Variants in MCF2L2 observed in about 807,000 individuals in gnomAD.
MCF2L2 encodes the protein probable guanine nucleotide exchange factor MCF2L2.
MCF2L2 carries 102 observed loss-of-function variants against 150.2 expected under a neutral mutation model. That is an observed-to-expected ratio of 0.68 (90% CI 0.58 to 0.80). The LOEUF is 0.80. Among genes scored for constraint, MCF2L2 ranks in the 30% least tolerant of loss-of-function variants. The pLI, the probability that MCF2L2 is intolerant of heterozygous loss-of-function variation, is 0.00. For missense variants in MCF2L2, 1,256 were observed against 1,372.8 expected, an observed-to-expected ratio of 0.91 and a Z score of 1.34; for synonymous variants, 465 against 491.3, an observed-to-expected ratio of 0.95 and a Z score of 0.71.
At chr3:183,184,911 T>G (rs996381619) in intron 27 of MCF2L2, among the ~76,000 whole-genome samples, 1 of 147,486 alleles carries the variant, frequency 6.8e-6, no homozygotes, top group African/African-American at 2.6e-5. Context: ...GCACAACTTT[T>G]TTTTTCTTTT....
intron 15 of MCF2L2, among the ~76,000 whole-genome samples, chr3:183,263,943 C>T (rs1027640983): frequency 1.4e-4 from 22 of 152,106 alleles, no homozygotes; most frequent in Non-Finnish European, 2.9e-4. Flanking sequence ...CCACCCTCGA[C>T]TAGGCCTTCC....
At chr3:183,212,317 C>T (rs1192179704) in intron 22 of MCF2L2, among the ~76,000 whole-genome samples, 1 of 152,182 alleles carries the variant, frequency 6.6e-6, no homozygotes, top group Non-Finnish European at 1.5e-5. Flanking sequence ...AACGAATATA[C>T]TTCCAACTGT....
intron 4 of MCF2L2, among the ~76,000 whole-genome samples, chr3:183,339,843 T>C (rs1730629447): frequency 6.6e-6 from 1 of 152,176 alleles, no homozygotes; most frequent in Non-Finnish European, 1.5e-5. Context: ...ATCAGTATTT[T>C]CAACGAGCAC....
At chr3:183,271,063 C>A in intron 15 of MCF2L2, 2 of 832,964 alleles carry the variant, frequency 2.4e-6, no homozygotes, top group Non-Finnish European at 3.5e-6. Flanking sequence ...CCTAGTCCAT[C>A]AGAATGTTTC....
chr3:183,221,743 C>T (rs143160074), intron 20 of MCF2L2, among the ~76,000 whole-genome samples: 83 of 152,266 alleles, frequency 5.5e-4, no homozygotes, highest in Admixed American at 1.8e-3. Flanking sequence ...AGGTGCTGCT[C>T]GCTGAAAGAA....
At chr3:183,278,450 C>A (rs965690004) in intron 14 of MCF2L2, among the ~76,000 whole-genome samples, 3 of 152,192 alleles carry the variant, frequency 2.0e-5, no homozygotes, top group East Asian at 3.9e-4. Flanking sequence ...ATTTTCACCA[C>A]ACTACCAAAA....
In MCF2L2 at chr3:183,179,896, G is replaced by A. The variant is rs563409261; in HGVS notation, c.3105+175C>T. On this transcript the variant is annotated intron_variant, in intron 28 of 29. Coordinates refer to ENST00000328913, the MANE Select transcript of MCF2L2 (RefSeq NM_015078.4). This position sits in a 1 kb window ranked among gnomAD's most constrained non-coding sequence, Gnocchi z 4.2. ...GCCACGTGGGGACATGCTGGACTAG[G>A]AGGGTCAGAGCCAGTTTGAGGGTCT... Among the ~76,000 whole-genome samples the A allele has an allele frequency of 1.3e-5, 2 of 152,168 alleles. No individual in the cohort carries two copies. Among genetic ancestry groups the A allele is most frequent in the East Asian group, 1.9e-4 (1 of 5,166 alleles).
intron 14 of MCF2L2, among the ~76,000 whole-genome samples, chr3:183,287,035 A>C (rs911363291): frequency 6.6e-6 from 1 of 152,182 alleles, no homozygotes; most frequent in East Asian, 1.9e-4. Context: ...AATAAACAAC[A>C]TGGCAAAAGA....
chr3:183,247,157 A>T (rs550209420), intron 15 of MCF2L2, among the ~76,000 whole-genome samples: 20 of 152,336 alleles, frequency 1.3e-4, no homozygotes, highest in Non-Finnish European at 2.5e-4. Context: ...GGCTCCGAGC[A>T]CTAAGTGACT....
chr3:183,422,528 G>T (rs923345029), intron 1 of MCF2L2, among the ~76,000 whole-genome samples: 14 of 152,110 alleles, frequency 9.2e-5, no homozygotes, highest in Non-Finnish European at 1.5e-5. Context: ...ATGAATGGGG[G>T]CTGGGTGGAA....
At chr3:183,422,943 T>C (rs1024490335) in intron 1 of MCF2L2, among the ~76,000 whole-genome samples, 2 of 152,220 alleles carry the variant, frequency 1.3e-5, no homozygotes, top group South Asian at 2.1e-4. Flanking sequence ...TCTTTTTAAA[T>C]GTGACAAAAT....
chr3:183,196,932 A>C (rs1006379786), intron 25 of MCF2L2, among the ~76,000 whole-genome samples: 1 of 152,190 alleles, frequency 6.6e-6, no homozygotes, highest in Non-Finnish European at 1.5e-5. Context: ...TGTCAACTGA[A>C]TAAGTGTCAT....
rs976086121 is a variant in MCF2L2 at position 183,297,544 on chromosome 3, T to C, written c.1306-377A>G. 3.9e-5 allele frequency: 7 copies of C among 177,936 alleles called. No homozygotes were observed. In the East Asian group the frequency reaches 1.1e-3, roughly 27 times the overall value. The allele number at this position is 177,936 out of a possible 1,614,324, so 11.0% of individuals were successfully genotyped here. A position where few individuals can be genotyped will look rare whatever the true frequency, so the allele number is the denominator to read the frequency against. On this transcript the variant is annotated intron_variant, in intron 11 of 29. Coordinates refer to ENST00000328913, the MANE Select transcript of MCF2L2 (RefSeq NM_015078.4). ...TATGGCTTAATGCAGCCTGGAGAGGTCTACCCCAGGCTCAGGTGATTCTTC... is the reference window on the plus strand; with the variant it reads ...TATGGCTTAATGCAGCCTGGAGAGGCCTACCCCAGGCTCAGGTGATTCTTC...
chr3:183,180,005 A>G, intron 28 of MCF2L2, 66 bp downstream of exon 28: 1 of 1,236,690 alleles, frequency 8.1e-7, no homozygotes, highest in Non-Finnish European at 1.2e-6. Context: ...TAGGGACAGG[A>G]GGCAGGAGGA....
chr3:183,409,065 T>A (rs1045893950), intron 1 of MCF2L2, among the ~76,000 whole-genome samples: 3 of 152,250 alleles, frequency 2.0e-5, no homozygotes, highest in African/African-American at 7.2e-5. Context: ...AGGCTTATTA[T>A]CCTTATTTAA....
intron 21 of MCF2L2, among the ~76,000 whole-genome samples, chr3:183,219,563 A>G (rs1260901883): frequency 2.0e-5 from 3 of 151,782 alleles, no homozygotes; most frequent in Non-Finnish European, 4.4e-5. Context: ...GTGAGCCAAG[A>G]TTGCACCATT....
intron 1 of MCF2L2, among the ~76,000 whole-genome samples, chr3:183,392,061 A>G (rs1044763248): frequency 2.6e-5 from 4 of 152,206 alleles, no homozygotes; most frequent in Non-Finnish European, 4.4e-5. Flanking sequence ...CCAAGCAAGC[A>G]TATTTCAGAG....
intron 2 of MCF2L2, among the ~76,000 whole-genome samples, chr3:183,388,210 TG>T (rs1238646712): frequency 1.3e-5 from 2 of 152,160 alleles, no homozygotes; most frequent in African/African-American, 4.8e-5. Flanking sequence ...GATGAGCCAT[TG>T]TGTAATTATA....
intron 1 of MCF2L2, among the ~76,000 whole-genome samples, chr3:183,409,550 T>TC (rs1382277346): frequency 7.0e-6 from 1 of 143,240 alleles, no homozygotes; most frequent in African/African-American, 2.7e-5. Flanking sequence ...AGCTAAAATT[T>TC]CTTTTTTTTT....
Sources: allele counts gnomAD v4.1 joint callset (sites outside exome capture counted in the v4.1 genomes callset), GRCh38; gene constraint gnomAD v4.1.1; non-coding constraint Gnocchi (gnomAD v3.1); transcripts MANE v1.5; gene names NCBI Gene and HGNC (gene_info 2026-07-23, HGNC 2026-07-21).